ACSS3: variants seen among roughly 807,000 people sequenced by gnomAD.
The protein encoded by ACSS3 is acyl-CoA synthetase short chain family member 3.
ACSS3 carries 64 observed loss-of-function variants against 84.2 expected under a neutral mutation model. The ratio of observed to expected loss-of-function variants is 0.76; its 90% confidence interval spans 0.62 to 0.94. The LOEUF is 0.94. ACSS3 is among the 40% of genes least tolerant of loss of function. ACSS3 has a pLI of 0.00. For missense variants in ACSS3, 815 were observed against 867.6 expected (o/e 0.94, Z 0.76); for synonymous variants, 317 against 310.1 (o/e 1.02, Z -0.23).
intron 8 of ACSS3, among the ~76,000 whole-genome samples, chr12:81,197,036 C>A (rs932832920): frequency 6.6e-6 from 1 of 152,032 alleles, no homozygotes; most frequent in Non-Finnish European, 1.5e-5. Flanking sequence ...CTGTGAATAT[C>A]TTTATATTAG....
intron 8 of ACSS3, among the ~76,000 whole-genome samples, chr12:81,184,666 A>G (rs1200406428): frequency 6.6e-6 from 1 of 151,702 alleles, no homozygotes; most frequent in Non-Finnish European, 1.5e-5. Context: ...AATTGGATAA[A>G]CTAGAGAAAA....
intron 5 of ACSS3, among the ~76,000 whole-genome samples, chr12:81,144,961 C>T (rs1186193505): frequency 6.8e-5 from 9 of 133,204 alleles, no homozygotes; most frequent in South Asian, 2.4e-4. Flanking sequence ...AGTGCAGTGG[C>T]GCGATCTCGG....
In ACSS3 at chr12:81,192,268, C is replaced by T. The variant is rs564893718; in HGVS notation, c.1251-7073C>T. Among the ~76,000 whole-genome samples, 341 of 152,184 alleles carry T rather than the reference C, an allele frequency of 2.2e-3. 1 individual carries two copies. Among genetic ancestry groups the T allele is most frequent in the African/African-American group, 7.8e-3 (322 of 41,526 alleles). On this transcript the variant is annotated intron_variant, in intron 8 of 15. Transcript: ENST00000548058. ...TGGTGGCGGGTGCCTGTAATCCCAGCTACTTGGGAGGCTGAGGCAGGAGAA... is the reference window on the plus strand; with the variant it reads ...TGGTGGCGGGTGCCTGTAATCCCAGTTACTTGGGAGGCTGAGGCAGGAGAA...
At chr12:81,165,155 C>T (rs918061458) in intron 7 of ACSS3, among the ~76,000 whole-genome samples, 8 of 152,016 alleles carry the variant, frequency 5.3e-5, no homozygotes, top group Non-Finnish European at 1.2e-4. Context: ...TTTTGAGTTC[C>T]TTTTTCCCTT....
chr12:81,123,614 C>CA (rs75742648), intron 2 of ACSS3, among the ~76,000 whole-genome samples: 6,675 of 152,102 alleles, frequency 0.044, 362 homozygotes, highest in African/African-American at 0.12. Flanking sequence ...ACCCCCCTCT[C>CA]ACCCTCCCCT....
At position 81,253,405 on chromosome 12, in the gene ACSS3, A is replaced by G. The variant is rs569300132; in HGVS notation, c.1818A>G (p.Lys606=). 1.3e-5 allele frequency: 21 copies of G among 1,613,914 alleles called. No individual in the cohort carries two copies. The South Asian group carries it at 1.4e-4, about 11-fold the overall frequency. The change falls in exon 14 of 16, where the codon AAA becomes AAG. Residue 606 remains lysine, a splice_region_variant and synonymous_variant. Coordinates refer to ENST00000548058, the MANE Select transcript of ACSS3 (RefSeq NM_024560.4). ...HVPLALCVLR[K]DINATEEQVL... Reference sequence around the variant, plus strand: ...CCTTAGCACTCTGTGTATTGAGAAAAGGTGAGAGATCTTTTTCTCCCTGAT... The same window carrying G: ...CCTTAGCACTCTGTGTATTGAGAAAGGGTGAGAGATCTTTTTCTCCCTGAT...
intron 8 of ACSS3, among the ~76,000 whole-genome samples, chr12:81,175,154 T>C (rs2030382825): frequency 6.6e-6 from 1 of 152,224 alleles, no homozygotes; most frequent in Non-Finnish European, 1.5e-5. Flanking sequence ...TTAATTTCAG[T>C]TCAAATATTA....
intron 1 of ACSS3, among the ~76,000 whole-genome samples, chr12:81,084,113 A>G (rs994911639): frequency 2.6e-5 from 4 of 152,172 alleles, no homozygotes; most frequent in South Asian, 4.1e-4. Context: ...CCCCTATTGC[A>G]TTATACTTTG....
intron 13 of ACSS3, among the ~76,000 whole-genome samples, chr12:81,245,616 A>C (rs775624672): frequency 1.2e-4 from 18 of 152,176 alleles, no homozygotes; most frequent in Non-Finnish European, 2.2e-4. Context: ...AAAGGAACAC[A>C]GTGTTTTGTC....
At chr12:81,153,407 CAA>C (rs537765971) in intron 7 of ACSS3, among the ~76,000 whole-genome samples, 42 of 83,002 alleles carry the variant, frequency 5.1e-4, no homozygotes, top group Non-Finnish European at 7.6e-4. Context: ...GACTCCATCT[CAA>C]AAAAAAAAAA....
intron 7 of ACSS3, among the ~76,000 whole-genome samples, chr12:81,157,957 C>T (rs559924080): frequency 1.3e-5 from 2 of 151,920 alleles, no homozygotes; most frequent in East Asian, 1.9e-4. Flanking sequence ...CACACACACA[C>T]ACACACACAC....
chr12:81,114,368 A>C (rs1202416750), intron 2 of ACSS3, among the ~76,000 whole-genome samples: 6 of 152,082 alleles, frequency 3.9e-5, no homozygotes, highest in African/African-American at 1.4e-4. Flanking sequence ...CTTCCTTCCA[A>C]CCCCTGCCCT....
At chr12:81,157,469 AC>A (rs1428437391) in intron 7 of ACSS3, among the ~76,000 whole-genome samples, 1 of 152,094 alleles carries the variant, frequency 6.6e-6, no homozygotes, top group Non-Finnish European at 1.5e-5. Context: ...TTCCACTCTC[AC>A]CCTCTATTCA....
chr12:81,195,708 G>A (rs189380359), intron 8 of ACSS3, among the ~76,000 whole-genome samples: 3 of 151,812 alleles, frequency 2.0e-5, no homozygotes, highest in African/African-American at 7.2e-5. Flanking sequence ...TACCCTAGCA[G>A]CATTGCATAC....
chr12:81,132,478 C>T (rs1885567565), intron 2 of ACSS3, among the ~76,000 whole-genome samples: 1 of 151,850 alleles, frequency 6.6e-6, no homozygotes. Flanking sequence ...GGTGATATCC[C>T]CTTTATCATT....
intron 5 of ACSS3, among the ~76,000 whole-genome samples, chr12:81,147,691 T>C (rs533449061): frequency 2.6e-5 from 4 of 152,292 alleles, no homozygotes; most frequent in South Asian, 4.1e-4. Context: ...GGGGATGCCA[T>C]CTGTCAAACC....
chr12:81,204,721 C>A (rs1031381770), intron 9 of ACSS3, among the ~76,000 whole-genome samples: 2 of 152,018 alleles, frequency 1.3e-5, no homozygotes, highest in African/African-American at 4.8e-5. Context: ...GTGTACTTAC[C>A]ATCAGAAGAT....
intron 7 of ACSS3, among the ~76,000 whole-genome samples, chr12:81,157,693 G>C (rs1343377228): frequency 2.0e-5 from 3 of 152,018 alleles, no homozygotes. Flanking sequence ...TATAGTCCCA[G>C]CTACTCGGGA....
intron 8 of ACSS3, among the ~76,000 whole-genome samples, chr12:81,189,917 A>C (rs2031479233): frequency 6.6e-6 from 1 of 151,986 alleles, no homozygotes; most frequent in Non-Finnish European, 1.5e-5. Flanking sequence ...ATCAATTTCG[A>C]TTTATTTAAA....
Sources: allele counts gnomAD v4.1 joint callset (sites outside exome capture counted in the v4.1 genomes callset), GRCh38; gene constraint gnomAD v4.1.1; transcripts MANE v1.5; gene names NCBI Gene and HGNC (gene_info 2026-07-23, HGNC 2026-07-21).